The following CEMIP variants were observed in gnomAD, a reference collection of about 807,000 sequenced individuals.
CEMIP encodes cell migration-inducing and hyaluronan-binding protein.
Under a neutral mutation model 156.9 loss-of-function variants are expected in CEMIP, and 105 were observed. The ratio of observed to expected loss-of-function variants is 0.67; its 90% CI spans 0.57 to 0.79. The LOEUF (loss-of-function observed/expected upper bound fraction) is 0.79. CEMIP is among the 30% of genes least tolerant of loss of function. The pLI is 0.00. For missense variants in CEMIP, 1,457 were observed against 1,769.4 expected, an observed-to-expected ratio of 0.82 and a Z score of 3.17; for synonymous variants, 676 against 668.4, an observed-to-expected ratio of 1.01 and a Z score of -0.17.
At chr15:80,884,004 C>T (rs1395637558) in intron 6 of CEMIP, among the ~76,000 whole-genome samples, 171 bp from the exon 7 acceptor site, 1 of 152,186 alleles carries the variant, frequency 6.6e-6, no homozygotes, top group Non-Finnish European at 1.5e-5. Flanking sequence ...GTATGGTATG[C>T]AAAATAATGA....
chr15:80,908,776 T>A (rs1899914796), intron 13 of CEMIP, among the ~76,000 whole-genome samples: 1 of 152,186 alleles, frequency 6.6e-6, no homozygotes, highest in African/African-American at 2.4e-5. Context: ...TATCCCTTGC[T>A]CATAACACTT....
chr15:80,908,040 C>T (rs927114626), intron 13 of CEMIP, among the ~76,000 whole-genome samples: 2 of 152,138 alleles, frequency 1.3e-5, no homozygotes, highest in African/African-American at 4.8e-5. Context: ...TTCTATCATC[C>T]CTGGCCCCTA....
At chr15:80,937,760 C>G in intron 24 of CEMIP, 34 bp from the exon 25 acceptor site, 1 of 1,611,940 alleles carries the variant, frequency 6.2e-7, no homozygotes, top group Non-Finnish European at 8.5e-7. Context: ...CCTGGACACC[C>G]TTGCTTGTAA....
chr15:80,787,541 C>T (rs139880535), intron 1 of CEMIP, among the ~76,000 whole-genome samples: 167 of 152,296 alleles, frequency 1.1e-3, no homozygotes, highest in Non-Finnish European at 1.4e-3. Context: ...GAGGCCTTTG[C>T]GTCAGCCCAC....
intron 1 of CEMIP, among the ~76,000 whole-genome samples, chr15:80,854,338 G>T (rs1310990567): frequency 6.6e-6 from 1 of 152,216 alleles, no homozygotes; most frequent in Non-Finnish European, 1.5e-5. Context: ...AACTTCTCCT[G>T]GCTATAAACC....
At chr15:80,837,591 A>C (rs1212590039) in intron 1 of CEMIP, among the ~76,000 whole-genome samples, 2 of 152,198 alleles carry the variant, frequency 1.3e-5, no homozygotes, top group Non-Finnish European at 2.9e-5. Flanking sequence ...TGCCTCCAAG[A>C]AGTTGCCACT....
intron 1 of CEMIP, among the ~76,000 whole-genome samples, chr15:80,845,298 G>A (rs55650748): frequency 0.048 from 7,353 of 152,172 alleles, 613 homozygotes; most frequent in African/African-American, 0.17. Context: ...AGGCGTGGTG[G>A]TGCATGCCTT....
intron 1 of CEMIP, among the ~76,000 whole-genome samples, chr15:80,810,761 T>C (rs1896650553): frequency 6.6e-6 from 1 of 152,094 alleles, no homozygotes; most frequent in African/African-American, 2.4e-5. Flanking sequence ...TCTCTCCATC[T>C]ACCAAATCAC....
intron 1 of CEMIP, among the ~76,000 whole-genome samples, chr15:80,801,613 C>G (rs138623638): frequency 1.3e-5 from 2 of 152,260 alleles, no homozygotes; most frequent in East Asian, 3.9e-4. Context: ...ATGGGAGAAG[C>G]TGCATAGTTA....
chr15:80,793,123 G>C (rs1281170916), intron 1 of CEMIP, among the ~76,000 whole-genome samples: 3 of 152,190 alleles, frequency 2.0e-5, no homozygotes, highest in Non-Finnish European at 2.9e-5. Flanking sequence ...GGTAAGCGTT[G>C]GAGCTGCAGG....
Position 80,948,915 on chromosome 15 carries a change from G to GAA in CEMIP, c.4078_4079dup (p.Leu1361SerfsTer16). The stretch of plus-strand genomic sequence containing the variant: ...TGCCCATCCCTGTGGTGAAGAAGAA[G>GAA]AAGTTGTGAGGACAGCTGCCGCCCG... On this transcript the variant is annotated frameshift_variant, in exon 30 of 30. Coordinates refer to ENST00000394685, the MANE Select transcript of CEMIP (RefSeq NM_001293298.2). LOFTEE classifies it high-confidence loss of function. The GAA allele has an allele frequency of 1.9e-6, 3 of 1,614,264 alleles. No homozygotes were observed. Among genetic ancestry groups the GAA allele is most frequent in the Non-Finnish European group, 2.5e-6 (3 of 1,180,046 alleles).
chr15:80,848,384 T>G (rs1357882460), intron 1 of CEMIP, among the ~76,000 whole-genome samples: 4 of 152,124 alleles, frequency 2.6e-5, no homozygotes, highest in Non-Finnish European at 5.9e-5. Context: ...CTCTGACACC[T>G]CGGGTTGGCC....
In CEMIP at chr15:80,916,875, A is replaced by C. The variant is rs1900293239; in HGVS notation, c.1798-3219A>C. ...GTGTGTCATCGTCACCCCACTCCTA[A>C]TGAGAAGAAAGAAATGCAGCCCAAA... On this transcript the variant is annotated intron_variant, in intron 14 of 29. Coordinates refer to ENST00000394685, the MANE Select transcript of CEMIP (RefSeq NM_001293298.2). Among the ~76,000 whole-genome samples, 2 of 152,110 alleles carry C rather than the reference A, an allele frequency of 1.3e-5. 1 individual carries two copies. The highest frequency in any genetic ancestry group is 4.2e-4 in the South Asian group (2 of 4,818).
intron 1 of CEMIP, among the ~76,000 whole-genome samples, chr15:80,862,205 G>T (rs545647338): frequency 6.6e-6 from 1 of 152,318 alleles, no homozygotes; most frequent in East Asian, 1.9e-4. Context: ...TTGCATCCAT[G>T]CATCCACTGA....
At chr15:80,844,329 G>A (rs1488327215) in intron 1 of CEMIP, among the ~76,000 whole-genome samples, 1 of 152,172 alleles carries the variant, frequency 6.6e-6, no homozygotes, top group African/African-American at 2.4e-5. Flanking sequence ...AATGTGTCCT[G>A]GGGAAAATAG....
rs1312388166 is a variant in CEMIP, at chr15:80,906,178, T to C, written c.1412-485T>C. On this transcript the variant is annotated intron_variant, in intron 12 of 29. Transcript: ENST00000394685. This position sits in a 1 kb window ranked among gnomAD's most constrained non-coding sequence, Gnocchi z 4.3. ...CGGTATCATCCAGAGACCAGGTTTC[T>C]TCTCTCCCGTTGCTCTGCCATCTCT... 6.6e-6 allele frequency among the ~76,000 whole-genome samples: 1 copy of C among 152,234 alleles called. No individual in the cohort carries two copies. Among genetic ancestry groups the C allele is most frequent in the Non-Finnish European group, 1.5e-5 (1 of 68,032 alleles).
chr15:80,918,277 A>G (rs1267435648), intron 14 of CEMIP, among the ~76,000 whole-genome samples: 1 of 152,132 alleles, frequency 6.6e-6, no homozygotes, highest in African/African-American at 2.4e-5. Context: ...CTTGTCTCAC[A>G]AAAAGAAAAA....
chr15:80,868,282 CA>C (rs774262055), intron 1 of CEMIP, among the ~76,000 whole-genome samples: 6 of 152,162 alleles, frequency 3.9e-5, no homozygotes, highest in Middle Eastern at 3.2e-3. Flanking sequence ...TTTTGTCTAC[CA>C]GGGGCAGAGA....
chr15:80,824,693 A>G (rs140664038), intron 1 of CEMIP, among the ~76,000 whole-genome samples: 54 of 152,318 alleles, frequency 3.5e-4, no homozygotes, highest in Non-Finnish European at 6.8e-4. Context: ...CGGTTCTTTA[A>G]TATTGTCTTG....
Sources: allele counts gnomAD v4.1 joint callset (sites outside exome capture counted in the v4.1 genomes callset), GRCh38; gene constraint gnomAD v4.1.1; non-coding constraint Gnocchi (gnomAD v3.1); transcripts MANE v1.5; gene names NCBI Gene and HGNC (gene_info 2026-07-23, HGNC 2026-07-21).